The following FGF14 variants were observed in gnomAD, a reference collection of about 807,000 sequenced individuals.
FGF14 encodes the protein fibroblast growth factor 14.
A neutral mutation model predicts 25.5 loss-of-function variants in FGF14; 5 were observed. The observed-to-expected ratio is 0.20, with a 90% confidence interval of 0.10 to 0.41. The LOEUF (loss-of-function observed/expected upper bound fraction) is 0.41. Among genes scored for constraint, FGF14 ranks in the 10% least tolerant of loss-of-function variants. The pLI is 1.00. For missense variants in FGF14, 222 were observed against 320.1 expected, an observed-to-expected ratio of 0.69 and a Z score of 2.34; for synonymous variants, 138 against 118.3, an observed-to-expected ratio of 1.17 and a Z score of -1.08.
At chr13:101,937,153 CT>C (rs1191867422) in intron 1 of FGF14, among the ~76,000 whole-genome samples, 1 of 152,146 alleles carries the variant, frequency 6.6e-6, no homozygotes, top group African/African-American at 2.4e-5. Flanking sequence ...AAAATTCTCT[CT>C]TTACATCTAT....
At chr13:102,035,370 T>C (rs1868995914) in intron 1 of FGF14, among the ~76,000 whole-genome samples, 1 of 152,134 alleles carries the variant, frequency 6.6e-6, no homozygotes, top group Admixed American at 6.6e-5. Context: ...TATTTAAATG[T>C]GAAGTTTCTA....
rs114580251 is a variant in FGF14, at chr13:102,163,620, T to A, written c.208+237851A>T. On this transcript the variant is annotated intron_variant, in intron 1 of 4. Transcript: ENST00000376131. The stretch of plus-strand genomic sequence containing the variant: ...CAGAGGTCACTTTGATCTGGGTGGA[T>A]GGTTATCAGGGACCAGTATTCGAGG... Among the ~76,000 whole-genome samples the A allele has an allele frequency of 5.5e-4, 83 of 152,182 alleles. 1 individual carries two copies. Among genetic ancestry groups the A allele is most frequent in the African/African-American group, 1.9e-3 (78 of 41,516 alleles).
chr13:101,723,922 G>A (rs1056285174), intron 4 of FGF14, among the ~76,000 whole-genome samples: 9 of 152,028 alleles, frequency 5.9e-5, no homozygotes, highest in African/African-American at 2.2e-4. Context: ...GGTATTTTAC[G>A]AAGAGCCCTT....
At chr13:102,081,133 T>C (rs2043599385) in intron 1 of FGF14, among the ~76,000 whole-genome samples, 1 of 152,232 alleles carries the variant, frequency 6.6e-6, no homozygotes, top group Admixed American at 6.5e-5. Flanking sequence ...AAAAGATACC[T>C]GAATTAATGT....
chr13:102,042,711 A>G (rs1322130726), intron 1 of FGF14, among the ~76,000 whole-genome samples: 2 of 152,216 alleles, frequency 1.3e-5, no homozygotes, highest in African/African-American at 4.8e-5. Context: ...CTCTAATATT[A>G]GTGATGTGCC....
chr13:102,313,439 T>C (rs1275213352), intron 1 of FGF14, among the ~76,000 whole-genome samples: 1 of 152,134 alleles, frequency 6.6e-6, no homozygotes. Context: ...GGCACTCTCG[T>C]CTCAGGGAAA....
chr13:102,251,212 A>T (rs1323233089), intron 1 of FGF14, among the ~76,000 whole-genome samples: 2 of 152,158 alleles, frequency 1.3e-5, no homozygotes, highest in South Asian at 2.1e-4. Flanking sequence ...GTCTCTGGGA[A>T]CTACGGAGAT....
At chr13:102,306,038 T>C (rs750619064) in intron 1 of FGF14, among the ~76,000 whole-genome samples, 4 of 152,172 alleles carry the variant, frequency 2.6e-5, no homozygotes, top group Non-Finnish European at 5.9e-5. Flanking sequence ...TAATGAGGAA[T>C]ATACAACTCA....
intron 3 of FGF14, among the ~76,000 whole-genome samples, chr13:101,738,612 G>C (rs1378516371): frequency 2.0e-5 from 3 of 152,140 alleles, no homozygotes; most frequent in Admixed American, 1.3e-4. Flanking sequence ...GGGAAAGAGA[G>C]ACCCTGAGGA....
intron 1 of FGF14, among the ~76,000 whole-genome samples, chr13:102,156,777 A>C (rs2047363041): frequency 6.6e-6 from 1 of 152,186 alleles, no homozygotes; most frequent in South Asian, 2.1e-4. Flanking sequence ...GTCTCAGCCC[A>C]AAATCTCCTT....
chr13:101,774,074 A>C (rs1452373561), intron 3 of FGF14, among the ~76,000 whole-genome samples: 1 of 152,052 alleles, frequency 6.6e-6, no homozygotes, highest in Non-Finnish European at 1.5e-5. Flanking sequence ...TGGAAACTCC[A>C]AAGTGCTGTG....
intron 1 of FGF14, among the ~76,000 whole-genome samples, chr13:102,154,546 C>G (rs1392800543): frequency 6.6e-6 from 1 of 152,158 alleles, no homozygotes; most frequent in East Asian, 1.9e-4. Flanking sequence ...CAACCGGTAC[C>G]AGCCACTGCA....
intron 3 of FGF14, among the ~76,000 whole-genome samples, chr13:101,830,750 G>T (rs753653769): frequency 4.6e-5 from 7 of 152,068 alleles, no homozygotes; most frequent in Non-Finnish European, 8.8e-5. Context: ...TTTTGCAGAT[G>T]AGAAGTCTAT....
chr13:102,395,996 T>C (rs1018054539), intron 1 of FGF14, among the ~76,000 whole-genome samples: 6 of 152,188 alleles, frequency 3.9e-5, no homozygotes, highest in Admixed American at 3.3e-4. Flanking sequence ...CAGGACATAG[T>C]TGGTCTTGAT....
In FGF14 at chr13:102,401,563, G is replaced by T. The variant is rs1346163352; in HGVS notation, c.116C>A (p.Ser39Ter). Residue 39 changes from serine (S) to a stop codon, truncating the protein, a stop_gained, in exon 1 of 5, where the codon TCA (serine) becomes TAA (stop). Transcript: ENST00000376131. LOFTEE classifies it high-confidence loss of function. ...GAAAATGTTCCAAAGAAACCACATT[G>T]ATTTGGGCGAAAAGCAATCCAGCAG... 1 of 1,614,012 alleles carries T rather than the reference G, an allele frequency of 6.2e-7. No homozygotes were observed. The highest frequency in any genetic ancestry group is 1.3e-5 in the African/African-American group (1 of 74,906).
At chr13:101,725,402 A>T (rs1468957556) in intron 4 of FGF14, among the ~76,000 whole-genome samples, 1 of 152,062 alleles carries the variant, frequency 6.6e-6, no homozygotes, top group Non-Finnish European at 1.5e-5. Context: ...CTTTTCCTGT[A>T]TAGGCCCTGG....
At chr13:102,282,494 A>G (rs1195900177) in intron 1 of FGF14, among the ~76,000 whole-genome samples, 1 of 152,180 alleles carries the variant, frequency 6.6e-6, no homozygotes, top group Non-Finnish European at 1.5e-5. Context: ...ATATATCTTT[A>G]TCTCCATAAT....
At chr13:101,856,262 T>G (rs577977524) in intron 3 of FGF14, among the ~76,000 whole-genome samples, 1 of 152,040 alleles carries the variant, frequency 6.6e-6, no homozygotes, top group South Asian at 2.1e-4. Context: ...GTTTAAAAGT[T>G]GATTTCTGTT....
intron 1 of FGF14, among the ~76,000 whole-genome samples, chr13:101,890,808 C>T (rs1327212126): frequency 6.6e-6 from 1 of 152,248 alleles, no homozygotes; most frequent in East Asian, 1.9e-4. Flanking sequence ...GCACTGACTC[C>T]GGATAAGACG....
Sources: gnomAD v4.1 joint callset for allele counts (sites outside exome capture counted in the v4.1 genomes callset) on GRCh38, gnomAD v4.1.1 for gene constraint, MANE v1.5 for transcripts, NCBI Gene and HGNC (gene_info 2026-07-23, HGNC 2026-07-21) for gene names.